GPHN: variants seen among roughly 807,000 people sequenced by gnomAD.
GPHN encodes gephyrin.
GPHN carries 17 observed loss-of-function variants against 95.5 expected under a neutral mutation model. That is an observed-to-expected ratio of 0.18 (90% CI 0.12 to 0.27). GPHN has a LOEUF of 0.27. Among genes scored for constraint, GPHN ranks in the 10% least tolerant of loss-of-function variants. GPHN has a pLI of 1.00. For synonymous variants in GPHN, 320 were observed against 322.5 expected, an observed-to-expected ratio of 0.99 and a Z score of 0.08; for missense variants, 660 against 978.1, an observed-to-expected ratio of 0.67 and a Z score of 4.34.
chr14:66,530,829 C>T (rs1241686939), intron 1 of GPHN, among the ~76,000 whole-genome samples: 1 of 152,002 alleles, frequency 6.6e-6, no homozygotes, highest in African/African-American at 2.4e-5. Flanking sequence ...CCAGGTACCT[C>T]AGTTGGAAAC....
chr14:67,206,600 T>C, the GPHN span, among the ~76,000 whole-genome samples: 3 of 152,148 alleles, frequency 2.0e-5, no homozygotes, highest in Non-Finnish European at 4.4e-5. Flanking sequence ...AATAAAATGT[T>C]AAGTGAAAAA....
the GPHN span, among the ~76,000 whole-genome samples, chr14:67,563,367 C>T: frequency 6.6e-6 from 1 of 151,700 alleles, no homozygotes; most frequent in African/African-American, 2.4e-5. Context: ...AGTAGTGGTT[C>T]ACAGTAGGTG....
chr14:66,786,381 T>G (rs1245247016), intron 3 of GPHN, among the ~76,000 whole-genome samples: 1 of 152,050 alleles, frequency 6.6e-6, no homozygotes, highest in African/African-American at 2.4e-5. Flanking sequence ...TTAAGTAACT[T>G]AAATTCATAA....
chr14:67,379,102 G>A, the GPHN span, among the ~76,000 whole-genome samples: 9 of 152,090 alleles, frequency 5.9e-5, no homozygotes, highest in Non-Finnish European at 1.2e-4. Flanking sequence ...TGCTTTATCT[G>A]TTCCTCTATT....
chr14:66,865,769 A>G (rs936386102), intron 4 of GPHN, among the ~76,000 whole-genome samples: 2 of 152,202 alleles, frequency 1.3e-5, no homozygotes, highest in Non-Finnish European at 2.9e-5. Flanking sequence ...TAATCATCTC[A>G]ATATAAAATA....
At chr14:67,723,019 G>T in the GPHN span, among the ~76,000 whole-genome samples, 32,711 of 152,030 alleles carry the variant, frequency 0.22, 3,794 homozygotes, top group East Asian at 0.44. Context: ...GAGTCCTTGC[G>T]TTTTCATTTT....
intron 1 of GPHN, among the ~76,000 whole-genome samples, chr14:66,515,448 G>GT (rs1351389207): frequency 6.6e-6 from 1 of 152,138 alleles, no homozygotes; most frequent in East Asian, 1.9e-4. Context: ...AACGATGTGT[G>GT]TTTGAGATGT....
At chr14:67,638,620 A>G in the GPHN span, among the ~76,000 whole-genome samples, 1 of 152,154 alleles carries the variant, frequency 6.6e-6, no homozygotes, top group Admixed American at 6.5e-5. Flanking sequence ...CAAATTATAG[A>G]GTTGAGTTCG....
chr14:67,292,711 G>T, the GPHN span: 13 of 1,613,030 alleles, frequency 8.1e-6, no homozygotes, highest in Non-Finnish European at 1.1e-5. Context: ...ACAAGATCTT[G>T]CTCAAGAGGT....
chr14:67,164,366 AG>A (rs2082151241), intron 19 of GPHN, among the ~76,000 whole-genome samples: 1 of 151,942 alleles, frequency 6.6e-6, no homozygotes, highest in South Asian at 2.1e-4. Context: ...ATAAGAGGGA[AG>A]TGTTTATGTC....
the GPHN span, among the ~76,000 whole-genome samples, chr14:67,238,295 G>A: frequency 7.1e-6 from 1 of 139,928 alleles, no homozygotes; most frequent in Admixed American, 7.4e-5. Flanking sequence ...TTTAGACACG[G>A]TCTTGCTCTG....
chr14:67,365,097 T>TA, the GPHN span: 4,559 of 1,211,348 alleles, frequency 3.8e-3, no homozygotes, highest in Middle Eastern at 5.1e-3. Flanking sequence ...AGCTGCAGCT[T>TA]AAAAAAAAAA....
At chr14:66,924,407 G>A (rs933276483) in intron 8 of GPHN, 115 bp downstream of exon 8, 13 of 721,398 alleles carry the variant, frequency 1.8e-5, no homozygotes, top group Admixed American at 1.6e-4. Flanking sequence ...TGGATTTTCA[G>A]CCTTGCTTTC....
At chr14:66,748,534 C>G (rs1178455470) in intron 2 of GPHN, among the ~76,000 whole-genome samples, 1 of 151,800 alleles carries the variant, frequency 6.6e-6, no homozygotes, top group African/African-American at 2.4e-5. Flanking sequence ...TCATTATTAC[C>G]CGATCCATAC....
chr14:67,146,743 A>G (rs1370738688), intron 18 of GPHN, among the ~76,000 whole-genome samples: 2 of 152,200 alleles, frequency 1.3e-5, no homozygotes, highest in Admixed American at 6.5e-5. Context: ...AGAATATTTA[A>G]AAGTAATTGG....
the GPHN span, among the ~76,000 whole-genome samples, chr14:67,194,044 C>T: frequency 4.0e-5 from 6 of 149,802 alleles, no homozygotes; most frequent in African/African-American, 1.5e-4. Flanking sequence ...TATACCAAAA[C>T]TTGAATACTG....
At chr14:67,456,397 T>C in the GPHN span, among the ~76,000 whole-genome samples, 1 of 152,064 alleles carries the variant, frequency 6.6e-6, no homozygotes, top group Non-Finnish European at 1.5e-5. Context: ...GGTCAGGAGT[T>C]TGAGGCCAGC....
chr14:66,684,961 C>T (rs1282594470), intron 2 of GPHN, among the ~76,000 whole-genome samples: 1 of 152,118 alleles, frequency 6.6e-6, no homozygotes, highest in East Asian at 1.9e-4. Flanking sequence ...CAAGTGTTCT[C>T]ATTGTTCAAT....
intron 1 of GPHN, among the ~76,000 whole-genome samples, chr14:66,673,644 A>G (rs1450299131): frequency 6.6e-6 from 1 of 152,214 alleles, no homozygotes; most frequent in Non-Finnish European, 1.5e-5. Context: ...ATAAATCAGG[A>G]AAAAGAAAAA....
Sources: gnomAD v4.1 joint callset for allele counts (sites outside exome capture counted in the v4.1 genomes callset) on GRCh38, gnomAD v4.1.1 for gene constraint, MANE v1.5 for transcripts, NCBI Gene and HGNC (gene_info 2026-07-23, HGNC 2026-07-21) for gene names.